LCK: variants seen among roughly 807,000 people sequenced by gnomAD.
LCK encodes LCK proto-oncogene, Src family tyrosine kinase.
LCK carries 14 observed loss-of-function variants against 64.6 expected under a neutral mutation model. The observed-to-expected ratio is 0.22, with a 90% CI of 0.14 to 0.34. The LOEUF (loss-of-function observed/expected upper bound fraction) is 0.34. Ranked by LOEUF, LCK falls within the 10% of genes least tolerant of loss-of-function variation. The probability of loss-of-function intolerance (pLI) is 1.00; values close to 1 mark genes in which losing one functional copy is unlikely to be tolerated. For synonymous variants in LCK, 277 were observed against 263.6 expected, an observed-to-expected ratio of 1.05 and a Z score of -0.49; for missense variants, 434 against 668.1, an observed-to-expected ratio of 0.65 and a Z score of 3.86.
At chr1:32,282,334 G>A (rs879001997) in intron 12 of LCK, among the ~76,000 whole-genome samples, 1 of 152,204 alleles carries the variant, frequency 6.6e-6, no homozygotes, top group Admixed American at 6.5e-5. Flanking sequence ...GGGTCAGGGA[G>A]ACAATGGGGA....
At chr1:32,272,621 G>GAAAGAGAGAGAGAGAGAA (rs1640113830) in intron 1 of LCK, among the ~76,000 whole-genome samples, 2 of 141,570 alleles carry the variant, frequency 1.4e-5, no homozygotes, top group East Asian at 3.9e-4. Context: ...GAGAGAGAGA[G>GAAAGAGAGAGAGAGAGAA]AAAGAGAGAG....
rs1338084856 is a variant in LCK at position 32,275,210 on chromosome 1, T to C, written c.279-111T>C. Reference sequence around the variant, plus strand: ...CCTTGGGACAAAATTCGAGGCTCAGTATTGCTGAGCCAGGGTTGGGGGAGG... The same window carrying C: ...CCTTGGGACAAAATTCGAGGCTCAGCATTGCTGAGCCAGGGTTGGGGGAGG... On this transcript the variant is annotated intron_variant, in intron 4 of 12. Coordinates refer to ENST00000336890, the MANE Select transcript of LCK (RefSeq NM_005356.5). The surrounding 1 kb of genome is among the most constrained non-coding windows in gnomAD (Gnocchi z 6.9). 4.2e-6 allele frequency: 6 copies of C among 1,439,704 alleles called. No homozygotes were observed. Among genetic ancestry groups the C allele is most frequent in the Admixed American group, 1.7e-5 (1 of 57,532 alleles). 89.2% of individuals were successfully genotyped at this position (1,439,704 alleles called of 1,614,324 possible).
At chr1:32,256,284 C>T (rs1639631116) in intron 1 of LCK, among the ~76,000 whole-genome samples, 1 of 151,820 alleles carries the variant, frequency 6.6e-6, no homozygotes, top group African/African-American at 2.4e-5. Context: ...ACTATAGGCA[C>T]ATGCCACCAA....
chr1:32,255,909 C>T (rs776235286), intron 1 of LCK, among the ~76,000 whole-genome samples: 31 of 147,712 alleles, frequency 2.1e-4, no homozygotes, highest in African/African-American at 6.8e-4. Flanking sequence ...TTGAGTGGTT[C>T]TCCCACCTCA....
At chr1:32,272,575 G>GAGAGAGAGAGAA (rs1640106987) in intron 1 of LCK, among the ~76,000 whole-genome samples, 1 of 142,392 alleles carries the variant, frequency 7.0e-6, no homozygotes. Context: ...CCTGTCTCAA[G>GAGAGAGAGAGAA]AGAGAGAGAG....
At chr1:32,278,651 C>G (rs565796669) in intron 9 of LCK, among the ~76,000 whole-genome samples, 3 of 152,056 alleles carry the variant, frequency 2.0e-5, no homozygotes, top group African/African-American at 7.2e-5. Context: ...TCATGTGTAT[C>G]GACTTTGATT....
intron 12 of LCK, among the ~76,000 whole-genome samples, chr1:32,282,493 A>G (rs1640490879): frequency 6.6e-6 from 1 of 152,076 alleles, no homozygotes; most frequent in African/African-American, 2.4e-5. Flanking sequence ...TTTATTGGCG[A>G]TTGATTCAAA....
chr1:32,282,022 A>G (rs998822113), intron 12 of LCK, among the ~76,000 whole-genome samples: 5 of 152,186 alleles, frequency 3.3e-5, no homozygotes, highest in African/African-American at 1.2e-4. Flanking sequence ...GTGAGCTGAG[A>G]TCATGCCACC....
intron 1 of LCK, among the ~76,000 whole-genome samples, chr1:32,258,295 A>C (rs1201248502): frequency 6.6e-6 from 1 of 151,108 alleles, no homozygotes; most frequent in Non-Finnish European, 1.5e-5. Flanking sequence ...AAGGAAAAAA[A>C]AAAAAAAGAG....
chr1:32,272,856 T>C (rs1569944622), intron 1 of LCK, among the ~76,000 whole-genome samples: 2 of 138,938 alleles, frequency 1.4e-5, no homozygotes, highest in Middle Eastern at 8.4e-3. Context: ...TGCCTGTGTG[T>C]GTGTGTAAGG....
intron 1 of LCK, among the ~76,000 whole-genome samples, chr1:32,256,553 G>A (rs1383152258): frequency 2.0e-5 from 3 of 151,688 alleles, no homozygotes; most frequent in East Asian, 2.0e-4. Context: ...AACCGAGATC[G>A]TGCCATTGCA....
intron 1 of LCK, among the ~76,000 whole-genome samples, chr1:32,262,957 A>G (rs1343828755): frequency 6.6e-6 from 1 of 151,762 alleles, no homozygotes; most frequent in Non-Finnish European, 1.5e-5. Context: ...ATGAAACAGG[A>G]CATTCTTTTC....
chr1:32,263,155 G>T (rs1639823791), intron 1 of LCK, among the ~76,000 whole-genome samples: 4 of 152,118 alleles, frequency 2.6e-5, no homozygotes, highest in African/African-American at 9.7e-5. Flanking sequence ...ACTTTGGGAA[G>T]CGGAGGTGGG....
chr1:32,280,722 G>A (rs1640433462), intron 12 of LCK, among the ~76,000 whole-genome samples: 2 of 151,910 alleles, frequency 1.3e-5, no homozygotes, highest in Admixed American at 1.3e-4. Flanking sequence ...CCCAGTGTTG[G>A]GATTACAGGC....
rs1240141053 is a variant in LCK at position 32,274,338 on chromosome 1, T to C, written c.9T>C (p.Cys3=). The C allele has an allele frequency of 1.2e-6, 2 of 1,613,982 alleles. No individual in the cohort carries two copies. Among genetic ancestry groups the C allele is most frequent in the Non-Finnish European group, 8.5e-7 (1 of 1,179,990 alleles). ...CCATTCCCTCAGGGACCATGGGCTG[T>C]GGCTGCAGCTCACACCCGGAAGATG... The part of the protein sequence containing the change: MG[C]GCSSHPEDDW... Residue 3 remains cysteine, a synonymous_variant, in exon 2 of 13, where the codon TGT becomes TGC. Coordinates refer to ENST00000336890, the MANE Select transcript of LCK (RefSeq NM_005356.5).
At chr1:32,258,497 C>A (rs1342524971) in intron 1 of LCK, among the ~76,000 whole-genome samples, 1 of 142,602 alleles carries the variant, frequency 7.0e-6, no homozygotes. Context: ...AAAAAAAAAA[C>A]CAGGCTGGGC....
rs1261144839 is a variant in LCK at position 32,275,104 on chromosome 1, C to T, written c.278+21C>T. On this transcript the variant is annotated intron_variant, in intron 4 of 12. Coordinates refer to ENST00000336890, the MANE Select transcript of LCK (RefSeq NM_005356.5). The surrounding 1 kb of genome is among the most constrained non-coding windows in gnomAD (Gnocchi z 6.9). ...GAGCAGTGAGTCCCTCTCCACCTTG[C>T]TCTGGCGGAGTCCGTGAGGGAGCGG... 3 of 1,592,318 alleles carry T rather than the reference C, an allele frequency of 1.9e-6. No homozygotes were observed. The South Asian group carries it at 3.3e-5, about 18-fold the overall frequency.
At chr1:32,274,508 A>G (rs1306970456) in intron 2 of LCK, 74 bp downstream of exon 2, 50 of 1,241,774 alleles carry the variant, frequency 4.0e-5, no homozygotes, top group Non-Finnish European at 3.2e-5. Context: ...AATGACCAGC[A>G]CTACAGGCCC....
chr1:32,274,039 T>C, intron 1 of LCK: 1 of 491,094 alleles, frequency 2.0e-6, no homozygotes, highest in Non-Finnish European at 3.6e-6. Context: ...AGTGGGTAAC[T>C]AGACTAACAA....
Sources: gnomAD v4.1 joint callset for allele counts (sites outside exome capture counted in the v4.1 genomes callset) on GRCh38, gnomAD v4.1.1 for gene constraint, Gnocchi (gnomAD v3.1) non-coding constraint, MANE v1.5 for transcripts, NCBI Gene and HGNC (gene_info 2026-07-23, HGNC 2026-07-21) for gene names.